The following PAPOLG variants were observed in gnomAD, a reference collection of about 807,000 sequenced individuals.
The protein encoded by PAPOLG is poly(A) polymerase gamma.
Under a neutral mutation model 99.0 loss-of-function variants are expected in PAPOLG, and 40 were observed. The ratio of observed to expected loss-of-function variants is 0.40; its 90% CI spans 0.31 to 0.53. The LOEUF is 0.53. Ranked by LOEUF, PAPOLG falls within the 20% of genes least tolerant of loss-of-function variation. The pLI is 0.41. For synonymous variants in PAPOLG, 310 were observed against 299.3 expected (o/e 1.04, Z -0.37); for missense variants, 675 against 884.1 (o/e 0.76, Z 3.00).
In PAPOLG at chr2:60,793,863, A is replaced by G. The variant is rs910360300; in HGVS notation, c.1769-108A>G. 7.1e-6 allele frequency: 10 copies of G among 1,410,334 alleles called. No homozygotes were observed. The African/African-American group carries it at 1.2e-4, about 16-fold the overall frequency. The allele number at this position is 1,410,334 out of a possible 1,614,324, so 87.4% of individuals were successfully genotyped here. A position where few individuals can be genotyped will look rare whatever the true frequency, so the allele number is the denominator to read the frequency against. ...GAAGTCAAGGCTGCAGTGAGCTGTG[A>G]TCAAGCCACTGCACTGCAGCCTGGG... On this transcript the variant is annotated intron_variant, in intron 18 of 21. Coordinates refer to ENST00000238714, the MANE Select transcript of PAPOLG (RefSeq NM_022894.4).
chr2:60,765,276 C>T (rs1204886104), intron 3 of PAPOLG, among the ~76,000 whole-genome samples: 1 of 145,636 alleles, frequency 6.9e-6, no homozygotes, highest in Non-Finnish European at 1.5e-5. Context: ...TGGGGTCTTG[C>T]CATGTTGCCC....
At chr2:60,793,804 G>A in intron 18 of PAPOLG, 89 bp downstream of exon 18, 1 of 1,497,526 alleles carries the variant, frequency 6.7e-7, no homozygotes, top group Non-Finnish European at 9.0e-7. Context: ...CTAGCTACTG[G>A]GGAGGCTAAG....
At chr2:60,783,066 T>G in intron 12 of PAPOLG, 90 bp from the exon 13 acceptor site, 1 of 1,194,266 alleles carries the variant, frequency 8.4e-7, no homozygotes, top group Non-Finnish European at 1.2e-6. Context: ...ATTTGTTCAG[T>G]GAGAGGGAGG....
At position 60,801,184 on chromosome 2, in the gene PAPOLG, G is replaced by A. The variant is rs948874836; in HGVS notation, c.*4024G>A. The A allele has an allele frequency of 3.3e-5, 5 of 151,950 alleles. No individual in the cohort carries two copies. The highest frequency in any genetic ancestry group is 1.2e-4 in the African/African-American group (5 of 41,314). 9.4% of individuals were successfully genotyped at this position (151,950 alleles called of 1,614,324 possible). On this transcript the variant is annotated 3_prime_UTR_variant, in exon 22 of 22. Transcript: ENST00000238714. Reference sequence around the variant, plus strand: ...AGTTCTGTAGCATGAAAACTCTCTTGCTCCTCCATGTTTGTAGTTCAGGCC... The same window carrying A: ...AGTTCTGTAGCATGAAAACTCTCTTACTCCTCCATGTTTGTAGTTCAGGCC...
At chr2:60,779,609 A>G (rs1489023339) in intron 8 of PAPOLG, 28 bp from the exon 9 acceptor site, 8 of 1,594,164 alleles carry the variant, frequency 5.0e-6, no homozygotes, top group Non-Finnish European at 6.9e-6. Context: ...GGTCCTAATA[A>G]TAATTAACAA....
rs2103823430 is a variant in PAPOLG, at chr2:60,792,213, A to G, written c.1603A>G (p.Arg535Gly). The change falls in exon 17 of 22, where the codon AGA becomes GGA. Residue 535 changes from arginine (R) to glycine (G), a missense_variant. Physicochemically the swap from Arg to Gly is moderately radical, Grantham distance 125. This residue lies in a region of PAPOLG where 413 missense variants were observed against 460.5 expected (regional missense o/e 0.90). Coordinates refer to ENST00000238714, the MANE Select transcript of PAPOLG (RefSeq NM_022894.4). ...SLDSSCLDSS[R>G]DTDNGTPFNS... ...GGATAGCAGTTGTCTGGATAGCTCCAGAGACACTGATAATGGAACACCTTT... is the reference window on the plus strand; with the variant it reads ...GGATAGCAGTTGTCTGGATAGCTCCGGAGACACTGATAATGGAACACCTTT... 1.2e-6 allele frequency: 2 copies of G among 1,609,786 alleles called. No individual in the cohort carries two copies. The highest frequency in any genetic ancestry group is 1.3e-5 in the African/African-American group (1 of 74,768).
In PAPOLG at chr2:60,797,212, G is replaced by A; in HGVS notation, c.*52G>A. The A allele has an allele frequency of 6.3e-7, 1 of 1,589,716 alleles. No individual in the cohort carries two copies. Among genetic ancestry groups the A allele is most frequent in the Non-Finnish European group, 8.6e-7 (1 of 1,159,368 alleles). Reference sequence around the variant, plus strand: ...CAAGCAATCATTTAGTGGCATAGATGCAGCCACTTGTTTTTTAAATAGAAG... The same window carrying A: ...CAAGCAATCATTTAGTGGCATAGATACAGCCACTTGTTTTTTAAATAGAAG... On this transcript the variant is annotated 3_prime_UTR_variant, in exon 22 of 22. Coordinates refer to ENST00000238714, the MANE Select transcript of PAPOLG (RefSeq NM_022894.4).
At chr2:60,760,715 A>G (rs1670497339) in intron 2 of PAPOLG, among the ~76,000 whole-genome samples, 1 of 152,194 alleles carries the variant, frequency 6.6e-6, no homozygotes, top group African/African-American at 2.4e-5. Context: ...GTGAGGAAGC[A>G]GGAAAATATA....
At chr2:60,772,832 C>T (rs978403064) in intron 7 of PAPOLG, among the ~76,000 whole-genome samples, 2 of 152,078 alleles carry the variant, frequency 1.3e-5, no homozygotes, top group Non-Finnish European at 2.9e-5. Context: ...GGATATTCTT[C>T]TTAAACTTGG....
At chr2:60,770,644 G>A in intron 6 of PAPOLG, 133 bp downstream of exon 6, 1 of 571,340 alleles carries the variant, frequency 1.8e-6, no homozygotes, top group Non-Finnish European at 2.9e-6. Flanking sequence ...TTAATGAAGA[G>A]ATGGGGTCTA....
At chr2:60,757,499 AGTTCT>A in intron 1 of PAPOLG, among the ~76,000 whole-genome samples, 1 of 152,206 alleles carries the variant, frequency 6.6e-6, no homozygotes, top group Non-Finnish European at 1.5e-5. Flanking sequence ...TAACTGGCAT[AGTTCT>A]AGTTGTTTTT....
intron 3 of PAPOLG, 23 bp from the exon 4 acceptor site, chr2:60,768,447 T>A (rs774669724): frequency 6.2e-7 from 1 of 1,610,508 alleles, no homozygotes; most frequent in South Asian, 1.1e-5. Flanking sequence ...TAATTGAATG[T>A]CTTCCGCTTA....
At chr2:60,768,414 A>T (rs1187398664) in intron 3 of PAPOLG, 56 bp from the exon 4 acceptor site, 1 of 1,573,122 alleles carries the variant, frequency 6.4e-7, no homozygotes, top group Admixed American at 1.7e-5. Flanking sequence ...CATTGAGGTG[A>T]CTTTTATGCT....
chr2:60,787,470 A>G (rs770651710), intron 14 of PAPOLG, 41 bp from the exon 15 acceptor site: 1 of 1,560,722 alleles, frequency 6.4e-7, no homozygotes, highest in Non-Finnish European at 8.7e-7. Flanking sequence ...GTTGTAAAAA[A>G]TAATAATAAT....
rs139105880 is a variant in PAPOLG, at chr2:60,772,640, C to G, written c.604+1010C>G. ...GTGCTTACCTGTAATCCCAGCTACT[C>G]GGGAGGCTGAGGCAGGAAAATCACT... On this transcript the variant is annotated intron_variant, in intron 7 of 21. Coordinates refer to ENST00000238714, the MANE Select transcript of PAPOLG (RefSeq NM_022894.4). 3.1e-3 allele frequency among the ~76,000 whole-genome samples: 467 copies of G among 151,986 alleles called. 2 individuals are homozygous for G. Among genetic ancestry groups the G allele is most frequent in the African/African-American group, 0.011 (449 of 41,480 alleles).
At chr2:60,761,944 C>A in intron 3 of PAPOLG, 137 bp downstream of exon 3, 1 of 687,808 alleles carries the variant, frequency 1.5e-6, no homozygotes, top group Admixed American at 2.6e-5. Context: ...ATGAATTGGT[C>A]TAGACAGTTG....
At chr2:60,765,926 C>T (rs1033929237) in intron 3 of PAPOLG, among the ~76,000 whole-genome samples, 1 of 152,098 alleles carries the variant, frequency 6.6e-6, no homozygotes, top group Non-Finnish European at 1.5e-5. Context: ...CCAGCCTGGG[C>T]AACATAACAA....
chr2:60,764,435 G>A (rs1670613272), intron 3 of PAPOLG, among the ~76,000 whole-genome samples: 2 of 147,156 alleles, frequency 1.4e-5, no homozygotes, highest in African/African-American at 5.0e-5. Flanking sequence ...TTTTTTTTTG[G>A]CGATGGGCTC....
Position 60,799,429 on chromosome 2 carries a change from T to C in PAPOLG, c.*2269T>C, listed in dbSNP as rs907970334. ...GGTAACTGAGGAGTTGATAAAATACTTTTGAGATGGTGGGGTTTGTCAGAA... is the reference window on the plus strand; with the variant it reads ...GGTAACTGAGGAGTTGATAAAATACCTTTGAGATGGTGGGGTTTGTCAGAA... On this transcript the variant is annotated 3_prime_UTR_variant, in exon 22 of 22. Transcript: ENST00000238714. 3.9e-5 allele frequency: 6 copies of C among 152,352 alleles called. No homozygotes were observed. The highest frequency in any genetic ancestry group is 8.8e-5 in the Non-Finnish European group (6 of 68,048). The allele number at this position is 152,352 out of a possible 1,614,324, so 9.4% of individuals were successfully genotyped here.
Sources: gnomAD v4.1 joint callset for allele counts (sites outside exome capture counted in the v4.1 genomes callset) on GRCh38, gnomAD v4.1.1 for gene constraint, gnomAD v4.1.1 regional missense constraint, MANE v1.5 for transcripts, NCBI Gene and HGNC (gene_info 2026-07-23, HGNC 2026-07-21) for gene names.